ARL15: variants seen among roughly 807,000 people sequenced by gnomAD.
The protein encoded by ARL15 is ARF like GTPase 15.
Under a neutral mutation model 25.2 loss-of-function variants are expected in ARL15, and 19 were observed. The ratio of observed to expected loss-of-function variants is 0.75; its 90% CI spans 0.53 to 1.10. ARL15 has a LOEUF of 1.10. Ranked by LOEUF, ARL15 falls within the 50% of genes least tolerant of loss-of-function variation. The pLI is 0.00. For missense variants in ARL15, 220 were observed against 246.0 expected, an observed-to-expected ratio of 0.89 and a Z score of 0.71; for synonymous variants, 94 against 86.8, an observed-to-expected ratio of 1.08 and a Z score of -0.46.
chr5:54,287,501 T>C (rs1005281100), intron 1 of ARL15, among the ~76,000 whole-genome samples: 9 of 150,694 alleles, frequency 6.0e-5, no homozygotes, highest in Admixed American at 4.7e-4. Context: ...GCATTCCAGA[T>C]AAAAGTGAAA....
chr5:54,030,817 G>A (rs76093134), intron 4 of ARL15, among the ~76,000 whole-genome samples: 2,840 of 152,230 alleles, frequency 0.019, 90 homozygotes, highest in African/African-American at 0.066. Context: ...TAAAATGGAA[G>A]GAAAATCAGT....
At chr5:54,231,834 C>T (rs1043234951) in intron 1 of ARL15, among the ~76,000 whole-genome samples, 2 of 152,142 alleles carry the variant, frequency 1.3e-5, no homozygotes, top group African/African-American at 2.4e-5. Flanking sequence ...ATTAGGGCCC[C>T]ACTTTTAAGA....
chr5:54,171,735 A>T (rs1267729272), intron 2 of ARL15, 49 bp downstream of exon 2: 2 of 1,565,450 alleles, frequency 1.3e-6, no homozygotes, highest in Non-Finnish European at 1.7e-6. Context: ...AAACTAGGAC[A>T]TCTTGGGATG....
At chr5:54,178,269 A>G (rs753110836) in intron 1 of ARL15, among the ~76,000 whole-genome samples, 1 of 152,178 alleles carries the variant, frequency 6.6e-6, no homozygotes, top group Non-Finnish European at 1.5e-5. Context: ...TCTGTTTTTC[A>G]TCATGAATAC....
At chr5:54,165,555 G>GA (rs1754536541) in intron 2 of ARL15, among the ~76,000 whole-genome samples, 1 of 150,692 alleles carries the variant, frequency 6.6e-6, no homozygotes, top group Non-Finnish European at 1.5e-5. Flanking sequence ...TTTTTCCAGT[G>GA]AAAAAATGTG....
At chr5:54,278,807 C>G (rs1757982509) in intron 1 of ARL15, among the ~76,000 whole-genome samples, 1 of 152,138 alleles carries the variant, frequency 6.6e-6, no homozygotes, top group South Asian at 2.1e-4. Flanking sequence ...CTACTCCAAA[C>G]CTCAGTGGGA....
chr5:54,104,702 T>G (rs1752539648), intron 4 of ARL15, among the ~76,000 whole-genome samples: 1 of 152,186 alleles, frequency 6.6e-6, no homozygotes, highest in Non-Finnish European at 1.5e-5. Flanking sequence ...TCAGAGATAC[T>G]GAAGTAGAAA....
At chr5:54,138,866 A>AGGCAAAT (rs1753684166) in intron 3 of ARL15, among the ~76,000 whole-genome samples, 1 of 152,224 alleles carries the variant, frequency 6.6e-6, no homozygotes, top group Non-Finnish European at 1.5e-5. Context: ...TGACATGAAT[A>AGGCAAAT]GATATTCCTC....
intron 1 of ARL15, among the ~76,000 whole-genome samples, chr5:54,179,505 G>C (rs1001717891): frequency 5.3e-5 from 8 of 152,158 alleles, no homozygotes; most frequent in Admixed American, 6.5e-5. Context: ...CCAGGCAAAA[G>C]GGACCTGCAG....
At chr5:54,148,793 G>A (rs34308112) in intron 3 of ARL15, among the ~76,000 whole-genome samples, 10,898 of 152,200 alleles carry the variant, frequency 0.072, 484 homozygotes, top group East Asian at 0.14. Flanking sequence ...GACACACCCA[G>A]TCCTGGTTAC....
At chr5:54,082,538 T>C (rs1751835565) in intron 4 of ARL15, among the ~76,000 whole-genome samples, 1 of 152,180 alleles carries the variant, frequency 6.6e-6, no homozygotes, top group Non-Finnish European at 1.5e-5. Context: ...AAAGTATCTC[T>C]TGTGACTGCA....
At chr5:54,190,249 C>T (rs1755358501) in intron 1 of ARL15, among the ~76,000 whole-genome samples, 1 of 151,892 alleles carries the variant, frequency 6.6e-6, no homozygotes, top group South Asian at 2.1e-4. Context: ...AAAAATTAGC[C>T]AGGTGTGGTG....
At chr5:54,134,032 A>G (rs963463524) in intron 3 of ARL15, among the ~76,000 whole-genome samples, 1 of 152,222 alleles carries the variant, frequency 6.6e-6, no homozygotes, top group Non-Finnish European at 1.5e-5. Flanking sequence ...CAGACAGATT[A>G]CATACAAGAT....
At chr5:54,131,754 G>A (rs559143903) in intron 3 of ARL15, among the ~76,000 whole-genome samples, 1 of 152,244 alleles carries the variant, frequency 6.6e-6, no homozygotes, top group African/African-American at 2.4e-5. Context: ...ACTATCACCA[G>A]AATTACTGAG....
At chr5:54,079,582 T>C (rs551338216) in intron 4 of ARL15, among the ~76,000 whole-genome samples, 40 of 152,274 alleles carry the variant, frequency 2.6e-4, no homozygotes, top group African/African-American at 9.1e-4. Flanking sequence ...ATGAACAAGA[T>C]AGATAGATAC....
chr5:54,291,621 G>A (rs1473083275), intron 1 of ARL15, among the ~76,000 whole-genome samples: 1 of 152,050 alleles, frequency 6.6e-6, no homozygotes, highest in African/African-American at 2.4e-5. Flanking sequence ...CTTAGCAAAG[G>A]GAAGATATTT....
At chr5:54,140,903 G>A (rs1203137882) in intron 3 of ARL15, among the ~76,000 whole-genome samples, 1 of 152,218 alleles carries the variant, frequency 6.6e-6, no homozygotes, top group Non-Finnish European at 1.5e-5. Context: ...TATTTTGGAA[G>A]CAGATGCTTT....
chr5:54,260,953 G>A (rs1757484292), intron 1 of ARL15, among the ~76,000 whole-genome samples: 1 of 152,138 alleles, frequency 6.6e-6, no homozygotes, highest in African/African-American at 2.4e-5. Context: ...TCTCTGAATA[G>A]GCTTCAACAG....
At chr5:54,164,397 G>C (rs1463198913) in intron 2 of ARL15, among the ~76,000 whole-genome samples, 2 of 152,016 alleles carry the variant, frequency 1.3e-5, no homozygotes, top group Admixed American at 6.6e-5. Context: ...TGTTAGTGTT[G>C]TTGAAGTCTG....
Sources: gnomAD v4.1 joint callset for allele counts (sites outside exome capture counted in the v4.1 genomes callset) on GRCh38, gnomAD v4.1.1 for gene constraint, MANE v1.5 for transcripts, NCBI Gene and HGNC (gene_info 2026-07-23, HGNC 2026-07-21) for gene names.